Variants in GAS2L2 observed in about 807,000 individuals in gnomAD.
GAS2L2 encodes growth arrest specific 2 like 2, also known as GAS2-like protein 2.
Under a neutral mutation model 35.2 loss-of-function variants are expected in GAS2L2, and 21 were observed. The observed-to-expected ratio is 0.60, with a 90% confidence interval of 0.42 to 0.86. The LOEUF (loss-of-function observed/expected upper bound fraction) is 0.86. Among genes scored for constraint, GAS2L2 ranks in the 40% least tolerant of loss-of-function variants. The pLI is 0.00. For synonymous variants in GAS2L2, 490 were observed against 473.2 expected, an observed-to-expected ratio of 1.04 and a Z score of -0.46; for missense variants, 1,169 against 1,144.4, an observed-to-expected ratio of 1.02 and a Z score of -0.31.
chr17:35,745,422 A>G lies in GAS2L2; in HGVS notation c.2075T>C (p.Leu692Pro). 1 of 1,571,942 alleles carries G rather than the reference A, an allele frequency of 6.4e-7. No homozygotes were observed. Among genetic ancestry groups the G allele is most frequent in the Non-Finnish European group, 8.6e-7 (1 of 1,158,238 alleles). The change falls in exon 6 of 6, where the codon CTC becomes CCC. Residue 692 changes from leucine (L) to proline (P), a missense_variant. Transcript: ENST00000604641. ...KPAVTPGPGS[L>P]KGKLGARQSG... ...CTGTCTGGCTCCCAACTTCCCTTTG[A>G]GGCTTCCCGGTCCTGGGGTAACAGC...
chr17:35,746,875 G>A, intron 5 of GAS2L2, 141 bp downstream of exon 5: 2 of 769,492 alleles, frequency 2.6e-6, no homozygotes, highest in Non-Finnish European at 4.1e-6. Flanking sequence ...AAAGGTACTG[G>A]GTATGCTTCT....
At position 35,744,923 on chromosome 17, in the gene GAS2L2, A is replaced by G. The variant is rs781848771; in HGVS notation, c.2574T>C (p.Pro858=). 3 of 1,613,338 alleles carry G rather than the reference A, an allele frequency of 1.9e-6. No homozygotes were observed. In the South Asian group the frequency reaches 3.3e-5, roughly 18 times the overall value. ...GCCAGTGAGGTTGCAGGCCCTCTGG[A>G]GGTTGGGGGCTGCTCTCCAATGGAG... is the stretch of plus-strand genomic sequence containing the variant. ...PAAPLESSPQ[P]PEGLQPHWLN... Residue 858 remains proline, a synonymous_variant, in exon 6 of 6, where the codon CCT becomes CCC. Transcript: ENST00000604641.
Position 35,750,131 on chromosome 17 carries a change from C to T in GAS2L2, c.573G>A (p.Ser191=), listed in dbSNP as rs782145751. 2.5e-6 allele frequency: 4 copies of T among 1,598,472 alleles called. No individual in the cohort carries two copies. In the African/African-American group the frequency reaches 5.5e-5, roughly 22 times the overall value. Residue 191 remains serine (S), a synonymous_variant, in exon 2 of 6, where the codon TCG becomes TCA. Coordinates refer to ENST00000604641, the MANE Select transcript of GAS2L2 (RefSeq NM_139285.4). ...GCTGGCGCCTGGGGGGCGCTGGCGG[C>T]GAGGGGTCGGGCGGGGGCAGGGCCA... ...RELALPPPDP[S]PPAPPRRQPC... is the part of the protein sequence containing the mutation.
In GAS2L2 at chr17:35,752,447, G is replaced by A. The variant is rs782382592; in HGVS notation, c.385+19C>T. 2.6e-6 allele frequency: 4 copies of A among 1,554,848 alleles called. No individual in the cohort carries two copies. Among genetic ancestry groups the A allele is most frequent in the East Asian group, 4.5e-5 (2 of 44,020 alleles). The stretch of plus-strand genomic sequence containing the variant: ...CAAGATAAGCATCTGGAATGGGGAC[G>A]AGGGTGCAGCGTGGTTACCTTGGAT... On this transcript the variant is annotated intron_variant, in intron 1 of 5. Transcript: ENST00000604641.
At position 35,752,742 on chromosome 17, in the gene GAS2L2, C is replaced by A; in HGVS notation, c.109G>T (p.Asp37Tyr). ...SEQYLEAMKE[D>Y]LAEWLRDLYG... ...AGGTCGCGAAGCCACTCAGCCAGGT[C>A]TTCCTTCATGGCCTCCAGGTACTGC... Residue 37 changes from aspartate (D) to tyrosine (Y), a missense_variant, in exon 1 of 6, where the codon GAC becomes TAC. By Grantham distance (160) the Asp-to-Tyr change is radical (BLOSUM62 -3). This residue lies in a region of GAS2L2 where 127 missense variants were observed against 146.1 expected (regional missense o/e 0.87). Coordinates refer to ENST00000604641, the MANE Select transcript of GAS2L2 (RefSeq NM_139285.4). 6.2e-7 allele frequency: 1 copy of A among 1,613,938 alleles called. No homozygotes were observed. Among genetic ancestry groups the A allele is most frequent in the Admixed American group, 1.7e-5 (1 of 60,030 alleles).
intron 1 of GAS2L2, 144 bp from the exon 2 acceptor site, chr17:35,750,462 A>C: frequency 1.9e-5 from 22 of 1,176,106 alleles, no homozygotes; most frequent in Non-Finnish European, 2.7e-5. Context: ...TTTGGGTCTC[A>C]GAATCTTGGG....
chr17:35,752,639 A>C lies in GAS2L2; in HGVS notation c.212T>G (p.Val71Gly). The change falls in exon 1 of 6, where the codon GTT (valine) becomes GGT (glycine). Residue 71 changes from valine to glycine, a missense_variant. By Grantham distance (109) the Val-to-Gly change is moderately radical. Coordinates refer to ENST00000604641, the MANE Select transcript of GAS2L2 (RefSeq NM_139285.4). ...TGLVLCQHAN[V>G]VTDAALAFLA... ...GAAGGCCAGGGCAGCGTCAGTGACA[A>C]CGTTGGCGTGTTGGCACAGCACCAG... 6.2e-7 allele frequency: 1 copy of C among 1,613,790 alleles called. No individual in the cohort carries two copies. The highest frequency in any genetic ancestry group is 1.1e-5 in the South Asian group (1 of 91,086).
chr17:35,747,039 G>A lies in GAS2L2; in HGVS notation c.1062C>T (p.Ser354=), dbSNP rs782315129. The change falls in exon 5 of 6, where the codon TCC becomes TCT. Residue 354 remains serine, a synonymous_variant. Coordinates refer to ENST00000604641, the MANE Select transcript of GAS2L2 (RefSeq NM_139285.4). ...RRERGAGTGA[S]REMAPFLRCQ... ...ACCTCAGGAATGGTGCCATCTCTCTGGAGGCCCCCGTCCCTGCTCCCCGTT... is the reference window on the plus strand; with the variant it reads ...ACCTCAGGAATGGTGCCATCTCTCTAGAGGCCCCCGTCCCTGCTCCCCGTT... 4 of 1,590,476 alleles carry A rather than the reference G, an allele frequency of 2.5e-6. No homozygotes were observed. In the African/African-American group the frequency reaches 4.0e-5, roughly 16 times the overall value.
Position 35,746,042 on chromosome 17 carries a change from G to T in GAS2L2, c.1455C>A (p.Phe485Leu), listed in dbSNP as rs781876253. ...RDEAKGAFFQ[F>L]REPESVRSPT... ...GAGAACGGACAGACTCTGGCTCCCT[G>T]AACTGGAAGAACGCACCCTTGGCCT... The change falls in exon 6 of 6, where the codon TTC (phenylalanine) becomes TTA (leucine). Residue 485 changes from phenylalanine to leucine, a missense_variant. Physicochemically the swap from Phe to Leu is conservative, Grantham distance 22. Coordinates refer to ENST00000604641, the MANE Select transcript of GAS2L2 (RefSeq NM_139285.4). 1 of 1,541,668 alleles carries T rather than the reference G, an allele frequency of 6.5e-7. No individual in the cohort carries two copies. Among genetic ancestry groups the T allele is most frequent in the South Asian group, 1.3e-5 (1 of 79,498 alleles).
In GAS2L2 at chr17:35,745,764, A is replaced by G. The variant is rs1555598823; in HGVS notation, c.1733T>C (p.Leu578Pro). The change falls in exon 6 of 6, where the codon CTG (leucine) becomes CCG (proline). Residue 578 changes from leucine (L) to proline (P), a missense_variant. This residue lies in a region of GAS2L2 where 1,035 missense variants were observed against 976.5 expected (regional missense o/e 1.06). Transcript: ENST00000604641. ...VMAEARESWD[L>P]GLQEQEGRYT... Reference sequence around the variant, plus strand: ...CCGCCCCTCCTGCTCCTGTAGGCCCAGGTCCCAGGACTCTCTGGCCTCTGC... The same window carrying G: ...CCGCCCCTCCTGCTCCTGTAGGCCCGGGTCCCAGGACTCTCTGGCCTCTGC... 1 of 1,613,676 alleles carries G rather than the reference A, an allele frequency of 6.2e-7. No individual in the cohort carries two copies. The highest frequency in any genetic ancestry group is 1.3e-5 in the African/African-American group (1 of 74,942).
At position 35,749,094 on chromosome 17, in the gene GAS2L2, C is replaced by A; in HGVS notation, c.735+16G>T. 1 of 1,573,240 alleles carries A rather than the reference C, an allele frequency of 6.4e-7. No homozygotes were observed. The highest frequency in any genetic ancestry group is 1.1e-5 in the South Asian group (1 of 89,852). On this transcript the variant is annotated intron_variant, in intron 3 of 5. Coordinates refer to ENST00000604641, the MANE Select transcript of GAS2L2 (RefSeq NM_139285.4). ...ACCCTATTCTGGGGGTCCCTTGACC[C>A]CCAGCCTGGACTTACCCGGATGAAG...
At chr17:35,750,000 G>C in intron 2 of GAS2L2, 77 bp downstream of exon 2, 3 of 1,442,114 alleles carry the variant, frequency 2.1e-6, no homozygotes, top group Non-Finnish European at 2.8e-6. Context: ...GGTTAGTGGG[G>C]GCTGGAGTGG....
At position 35,747,061 on chromosome 17, in the gene GAS2L2, C is replaced by T. The variant is rs781917339; in HGVS notation, c.1040G>A (p.Arg347Gln). The change falls in exon 5 of 6, where the codon CGG becomes CAG. Residue 347 changes from arginine (R) to glutamine (Q), a missense_variant. Around this residue, in one of 3 missense-constraint regions of GAS2L2, gnomAD observed 1,035 missense variants for 976.5 expected, o/e 1.06. Coordinates refer to ENST00000604641, the MANE Select transcript of GAS2L2 (RefSeq NM_139285.4). Reference sequence around the variant, plus strand: ...TCTGGAGGCCCCCGTCCCTGCTCCCCGTTCCCTGCGGGGTCTGGGGGAGGA... The same window carrying T: ...TCTGGAGGCCCCCGTCCCTGCTCCCTGTTCCCTGCGGGGTCTGGGGGAGGA... ...TPSSPRPRRE[R>Q]GAGTGASREM... is the part of the protein sequence containing the mutation. 1.8e-5 allele frequency: 29 copies of T among 1,607,776 alleles called. No homozygotes were observed. Among genetic ancestry groups the T allele is most frequent in the East Asian group, 8.9e-5 (4 of 44,824 alleles).
Position 35,749,157 on chromosome 17 carries a change from C to T in GAS2L2, c.688G>A (p.Glu230Lys). 1 of 1,614,110 alleles carries T rather than the reference C, an allele frequency of 6.2e-7. No homozygotes were observed. Among genetic ancestry groups the T allele is most frequent in the Non-Finnish European group, 8.5e-7 (1 of 1,179,960 alleles). Residue 230 changes from glutamate to lysine, a missense_variant, in exon 3 of 6, where the codon GAG becomes AAG. This residue lies in a region of GAS2L2 where 1,035 missense variants were observed against 976.5 expected (regional missense o/e 1.06). Coordinates refer to ENST00000604641, the MANE Select transcript of GAS2L2 (RefSeq NM_139285.4). Reference protein sequence around the residue: ...PVQFSMVKVSEGKYRVGDSNT... With the variant: ...PVQFSMVKVSKGKYRVGDSNT... ...GAGTCACCCACACGGTACTTCCCCT[C>T]AGACACTTTGACCATGGAGAACTGC...
At position 35,752,927 on chromosome 17, in the gene GAS2L2, T is replaced by C; in HGVS notation, c.-77A>G. 6.9e-7 allele frequency: 1 copy of C among 1,458,520 alleles called. No individual in the cohort carries two copies. The highest frequency in any genetic ancestry group is 9.2e-7 in the Non-Finnish European group (1 of 1,091,170). 90.3% of individuals were successfully genotyped at this position (1,458,520 alleles called of 1,614,324 possible). A position where few individuals can be genotyped will look rare whatever the true frequency, so the allele number is the denominator to read the frequency against. ...CCTCTTTCCTCCCGCTGCTGCTGGG[T>C]CTCGGCTGGGTTCTTCCTGATTCTG... On this transcript the variant is annotated 5_prime_UTR_variant, in exon 1 of 6. Coordinates refer to ENST00000604641, the MANE Select transcript of GAS2L2 (RefSeq NM_139285.4).
At chr17:35,746,586 C>T (rs62078166) in intron 5 of GAS2L2, among the ~76,000 whole-genome samples, 175 bp from the exon 6 acceptor site, 368 of 152,264 alleles carry the variant, frequency 2.4e-3, no homozygotes, top group Non-Finnish European at 4.2e-3. Context: ...CCCAGAAATC[C>T]TCCTTATGGC....
At position 35,745,381 on chromosome 17, in the gene GAS2L2, T is replaced by G. The variant is rs782345544; in HGVS notation, c.2116A>C (p.Lys706Gln). 1 of 1,588,586 alleles carries G rather than the reference T, an allele frequency of 6.3e-7. No individual in the cohort carries two copies. The highest frequency in any genetic ancestry group is 2.2e-5 in the East Asian group (1 of 44,640). The change falls in exon 6 of 6, where the codon AAG (lysine) becomes CAG (glutamine). Residue 706 changes from lysine to glutamine, a missense_variant. Coordinates refer to ENST00000604641, the MANE Select transcript of GAS2L2 (RefSeq NM_139285.4). ...LGARQSGPRT[K>Q]ASLSAKGTHM... is the part of the protein sequence containing the mutation. Reference sequence around the variant, plus strand: ...GTGCCCTTGGCACTCAGGCTTGCCTTTGTCCTGGGCCCACTCTGTCTGGCT... The same window carrying G: ...GTGCCCTTGGCACTCAGGCTTGCCTGTGTCCTGGGCCCACTCTGTCTGGCT...
chr17:35,752,384 G>A, intron 1 of GAS2L2, 82 bp downstream of exon 1: 1 of 1,403,054 alleles, frequency 7.1e-7, no homozygotes, highest in Non-Finnish European at 9.6e-7. Flanking sequence ...CTGCCCCCCA[G>A]AGCTAGCCTG....
In GAS2L2 at chr17:35,752,556, A is replaced by G; in HGVS notation, c.295T>C (p.Cys99Arg). 6.2e-7 allele frequency: 1 copy of G among 1,613,730 alleles called. No homozygotes were observed. Among genetic ancestry groups the G allele is most frequent in the African/African-American group, 1.3e-5 (1 of 75,064 alleles). ...GTACCTGGCTGGGCGGCCCCATTGCAGGAGACCCCGACCCGGGGCATGGGA... is the reference window on the plus strand; with the variant it reads ...GTACCTGGCTGGGCGGCCCCATTGCGGGAGACCCCGACCCGGGGCATGGGA... ...KIPMPRVGVSCNGAAQPGTFQ... is the reference protein window; with the variant it reads ...KIPMPRVGVSRNGAAQPGTFQ... The change falls in exon 1 of 6, where the codon TGC becomes CGC. Residue 99 changes from cysteine (C) to arginine (R), a missense_variant. Physicochemically the swap from Cys to Arg is radical, Grantham distance 180. This residue lies in a region of GAS2L2 where 127 missense variants were observed against 146.1 expected (regional missense o/e 0.87). Transcript: ENST00000604641.
Sources: allele counts gnomAD v4.1 joint callset (sites outside exome capture counted in the v4.1 genomes callset), GRCh38; gene constraint gnomAD v4.1.1; regional missense constraint gnomAD v4.1.1; transcripts MANE v1.5; gene names NCBI Gene and HGNC (gene_info 2026-07-23, HGNC 2026-07-21).